The following DPP10 variants were observed in gnomAD, a reference collection of about 807,000 sequenced individuals.
DPP10 encodes the protein dipeptidyl peptidase like 10.
In DPP10, 33 loss-of-function variants were observed where a neutral mutation model predicts 120.9. The observed-to-expected ratio is 0.27, with a 90% confidence interval of 0.21 to 0.37. The LOEUF is 0.37. DPP10 is among the 10% of genes least tolerant of loss of function. The pLI, the probability that DPP10 is intolerant of heterozygous loss-of-function variation, is 1.00. For synonymous variants in DPP10, 337 were observed against 326.1 expected, an observed-to-expected ratio of 1.03 and a Z score of -0.36; for missense variants, 816 against 942.8, an observed-to-expected ratio of 0.87 and a Z score of 1.76.
intron 2 of DPP10, among the ~76,000 whole-genome samples, chr2:115,312,015 C>G (rs1041610609): frequency 1.3e-5 from 2 of 152,040 alleles, no homozygotes; most frequent in Non-Finnish European, 2.9e-5. Flanking sequence ...CTAGGCCTCC[C>G]AAAGTGCTGG....
At chr2:115,778,800 G>A (rs750073181) in intron 15 of DPP10, among the ~76,000 whole-genome samples, 7 of 151,934 alleles carry the variant, frequency 4.6e-5, no homozygotes, top group East Asian at 1.9e-4. Context: ...CCTTTTAATC[G>A]CCTTTCTTAA....
In DPP10 at chr2:115,406,007, C is replaced by T. The variant is rs1019266279; in HGVS notation, c.271+62095C>T. On this transcript the variant is annotated intron_variant, in intron 3 of 25. Coordinates refer to ENST00000410059, the MANE Select transcript of DPP10 (RefSeq NM_020868.6). Reference sequence around the variant, plus strand: ...ATCTATTTAGTGAAGAGTTGCTGTACCGCACCCTTGGCTTTTCTTCTGAAA... The same window carrying T: ...ATCTATTTAGTGAAGAGTTGCTGTATCGCACCCTTGGCTTTTCTTCTGAAA... Among the ~76,000 whole-genome samples the T allele has an allele frequency of 2.6e-5, 4 of 152,204 alleles. No homozygotes were observed. In the East Asian group the frequency reaches 7.7e-4, roughly 29 times the overall value.
intron 5 of DPP10, among the ~76,000 whole-genome samples, chr2:115,622,593 A>G (rs996061093): frequency 2.1e-5 from 3 of 141,010 alleles, no homozygotes; most frequent in African/African-American, 5.4e-5. Flanking sequence ...GCTGAGTCAT[A>G]TGGTAACTCT....
intron 1 of DPP10, among the ~76,000 whole-genome samples, chr2:115,020,650 A>G (rs1703005591): frequency 6.6e-6 from 1 of 152,166 alleles, no homozygotes; most frequent in African/African-American, 2.4e-5. Flanking sequence ...ACTATAGCCT[A>G]CAACAAATGG....
At chr2:115,435,963 G>C (rs1055042060) in intron 3 of DPP10, among the ~76,000 whole-genome samples, 1 of 151,780 alleles carries the variant, frequency 6.6e-6, no homozygotes, top group Non-Finnish European at 1.5e-5. Context: ...TTTTTCCAAT[G>C]CATGTTCTTG....
chr2:115,190,162 A>G (rs1022484790), intron 1 of DPP10, among the ~76,000 whole-genome samples: 1 of 152,238 alleles, frequency 6.6e-6, no homozygotes, highest in African/African-American at 2.4e-5. Flanking sequence ...CACTGTTGGT[A>G]GTAATAAATG....
At chr2:115,294,533 G>T (rs1349739001) in intron 1 of DPP10, among the ~76,000 whole-genome samples, 1 of 151,790 alleles carries the variant, frequency 6.6e-6, no homozygotes, top group South Asian at 2.1e-4. Flanking sequence ...GGGGGAAGGG[G>T]ACTTCCAAAA....
intron 1 of DPP10, among the ~76,000 whole-genome samples, chr2:114,921,537 A>G (rs1695194747): frequency 6.6e-6 from 1 of 152,190 alleles, no homozygotes; most frequent in Non-Finnish European, 1.5e-5. Context: ...GGTATCATAA[A>G]TAAGTTATAT....
At chr2:115,553,299 A>T (rs1037370340) in intron 5 of DPP10, among the ~76,000 whole-genome samples, 17 of 152,054 alleles carry the variant, frequency 1.1e-4, no homozygotes, top group African/African-American at 3.9e-4. Flanking sequence ...TCAAATGCAG[A>T]TTGTGTCTTT....
chr2:114,548,068 G>C (rs1470363368), intron 1 of DPP10, among the ~76,000 whole-genome samples: 2 of 152,168 alleles, frequency 1.3e-5, no homozygotes, highest in Non-Finnish European at 2.9e-5. Context: ...AGGTTGGCTA[G>C]TAGATCTGTA....
chr2:115,834,706 G>C (rs551107141), intron 21 of DPP10, among the ~76,000 whole-genome samples: 291 of 152,252 alleles, frequency 1.9e-3, no homozygotes, highest in African/African-American at 6.8e-3. Flanking sequence ...CCAAAACTTA[G>C]TTGTGTGGAA....
intron 1 of DPP10, among the ~76,000 whole-genome samples, chr2:114,560,060 C>A (rs1009661602): frequency 1.3e-5 from 2 of 152,134 alleles, no homozygotes; most frequent in Non-Finnish European, 2.9e-5. Context: ...TCAGTGCTAA[C>A]TTTATTTAAT....
intron 1 of DPP10, among the ~76,000 whole-genome samples, chr2:114,543,922 A>C (rs1687161168): frequency 6.6e-6 from 1 of 151,616 alleles, no homozygotes; most frequent in African/African-American, 2.4e-5. Context: ...GTTTAGCCTC[A>C]TTCATGTATT....
At chr2:115,315,115 C>T (rs765559671) in intron 2 of DPP10, among the ~76,000 whole-genome samples, 2 of 151,872 alleles carry the variant, frequency 1.3e-5, no homozygotes, top group African/African-American at 4.8e-5. Flanking sequence ...TTGGATTCAT[C>T]TCCTAGCCTT....
At chr2:114,534,061 C>T (rs1558854214) in intron 1 of DPP10, among the ~76,000 whole-genome samples, 3 of 152,146 alleles carry the variant, frequency 2.0e-5, no homozygotes, top group Admixed American at 2.0e-4. Flanking sequence ...ACAGTATATT[C>T]TCTTAACTTT....
intron 1 of DPP10, among the ~76,000 whole-genome samples, chr2:114,823,401 T>C (rs965702195): frequency 2.0e-5 from 3 of 152,056 alleles, no homozygotes; most frequent in Non-Finnish European, 4.4e-5. Context: ...TTATGGGAAA[T>C]GTAATTCAAG....
intron 1 of DPP10, among the ~76,000 whole-genome samples, chr2:114,823,186 G>T (rs1246298347): frequency 6.6e-6 from 1 of 152,174 alleles, no homozygotes; most frequent in Non-Finnish European, 1.5e-5. Context: ...GTTCAGCATG[G>T]CTGGGGAGGC....
rs1453817177 is a variant in DPP10, at chr2:115,162,179, A to G, written c.61-147060A>G. On this transcript the variant is annotated intron_variant, in intron 1 of 25. Transcript: ENST00000410059. ...CAGTTCCAGGCTCTCCTGCTTCTCC[A>G]CGGACTCTGCGGGAAGTTAGAGCCT... The G allele has an allele frequency of 3.2e-6, 5 of 1,547,088 alleles. No individual in the cohort carries two copies. In the East Asian group the frequency reaches 1.2e-4, roughly 38 times the overall value.
chr2:115,129,997 CTCTT>C lies in DPP10; in HGVS notation c.61-179236_61-179233del, dbSNP rs779500423. 2.3e-4 allele frequency among the ~76,000 whole-genome samples: 35 copies of C among 152,270 alleles called. No individual in the cohort carries two copies. In the East Asian group the frequency reaches 5.4e-3, roughly 23 times the overall value. ...CTCCTGGGCATTGTCTTCAATATTT[CTCTT>C]TCTTTTTCCTTTCAGCAAGTGCACC... On this transcript the variant is annotated intron_variant, in intron 1 of 25. Transcript: ENST00000410059.
Sources: gnomAD v4.1 joint callset for allele counts (sites outside exome capture counted in the v4.1 genomes callset) on GRCh38, gnomAD v4.1.1 for gene constraint, MANE v1.5 for transcripts, NCBI Gene and HGNC (gene_info 2026-07-23, HGNC 2026-07-21) for gene names.